AGBL4: variants seen among roughly 807,000 people sequenced by gnomAD.
AGBL4 encodes the protein cytosolic carboxypeptidase 6.
AGBL4 carries 58 observed loss-of-function variants against 66.4 expected under a neutral mutation model. The observed-to-expected ratio is 0.87, with a 90% CI of 0.71 to 1.09. The LOEUF (loss-of-function observed/expected upper bound fraction) is 1.09, where lower values mean the gene tolerates loss of function less well. Among genes scored for constraint, AGBL4 ranks in the 50% least tolerant of loss-of-function variants. The pLI, the probability that AGBL4 is intolerant of heterozygous loss-of-function variation, is 0.00. For synonymous variants in AGBL4, 234 were observed against 222.9 expected (o/e 1.05, Z -0.44); for missense variants, 579 against 631.0 (o/e 0.92, Z 0.88).
rs1384062592 is a variant in AGBL4, at chr1:49,763,954, G to C, written c.158-66517C>G. 2.6e-5 allele frequency among the ~76,000 whole-genome samples: 4 copies of C among 152,116 alleles called. No individual in the cohort carries two copies. The East Asian group carries it at 7.7e-4, about 29-fold the overall frequency. On this transcript the variant is annotated intron_variant, in intron 2 of 13. Coordinates refer to ENST00000371839, the MANE Select transcript of AGBL4 (RefSeq NM_032785.4). ...CCCCTGCTACTTCTTGTCATGCAAG[G>C]CTTGCTGGCTTGGGCTCCCAGTGCA...
chr1:48,927,251 G>C (rs1010709997), intron 5 of AGBL4, among the ~76,000 whole-genome samples: 1 of 152,092 alleles, frequency 6.6e-6, no homozygotes, highest in Non-Finnish European at 1.5e-5. Context: ...CACGTGGCTG[G>C]GGAGGCCTCA....
At chr1:49,896,856 AC>A (rs1386972677) in intron 1 of AGBL4, among the ~76,000 whole-genome samples, 4 of 152,012 alleles carry the variant, frequency 2.6e-5, no homozygotes, top group African/African-American at 9.7e-5. Context: ...AAGGACAAAA[AC>A]CATATGATCA....
At chr1:49,407,836 T>C (rs1321397146) in intron 3 of AGBL4, among the ~76,000 whole-genome samples, 1 of 152,236 alleles carries the variant, frequency 6.6e-6, no homozygotes, top group Non-Finnish European at 1.5e-5. Context: ...AGGAGGTTGA[T>C]AGTCAGAACA....
At chr1:49,739,195 C>T (rs1050118442) in intron 2 of AGBL4, among the ~76,000 whole-genome samples, 3 of 152,116 alleles carry the variant, frequency 2.0e-5, no homozygotes, top group East Asian at 1.9e-4. Context: ...ATAAGCAATA[C>T]AGAGAAGTCC....
At chr1:49,283,494 C>A (rs1034519521) in intron 3 of AGBL4, among the ~76,000 whole-genome samples, 10 of 152,202 alleles carry the variant, frequency 6.6e-5, no homozygotes, top group Non-Finnish European at 1.3e-4. Flanking sequence ...AGTTCCTCAC[C>A]AGCAACGGAA....
intron 3 of AGBL4, among the ~76,000 whole-genome samples, chr1:49,473,236 G>A (rs1646781941): frequency 6.6e-6 from 1 of 152,072 alleles, no homozygotes. Context: ...TCCCACAGGG[G>A]CTGAACTAAT....
At chr1:49,433,491 T>C (rs1457127008) in intron 3 of AGBL4, among the ~76,000 whole-genome samples, 1 of 152,210 alleles carries the variant, frequency 6.6e-6, no homozygotes, top group African/African-American at 2.4e-5. Flanking sequence ...GTGATGATTG[T>C]TGAGTGAGAG....
chr1:48,999,070 A>G (rs1348605612), intron 5 of AGBL4, among the ~76,000 whole-genome samples: 1 of 152,204 alleles, frequency 6.6e-6, no homozygotes, highest in East Asian at 1.9e-4. Context: ...ATGTCTTTCA[A>G]GGTAATGAGT....
Position 49,750,916 on chromosome 1 carries a change from G to A in AGBL4, c.158-53479C>T, listed in dbSNP as rs149884665. On this transcript the variant is annotated intron_variant, in intron 2 of 13. Coordinates refer to ENST00000371839, the MANE Select transcript of AGBL4 (RefSeq NM_032785.4). ...TCTATTATTTGTGTATACAAATGAT[G>A]CGATTTTTGCACATTGATTTTGTAT... Among the ~76,000 whole-genome samples, 84 of 152,192 alleles carry A rather than the reference G, an allele frequency of 5.5e-4. 1 individual carries two copies. In the East Asian group the frequency reaches 0.014, roughly 25 times the overall value.
chr1:49,085,012 C>T (rs1313205986), intron 4 of AGBL4, among the ~76,000 whole-genome samples: 1 of 152,116 alleles, frequency 6.6e-6, no homozygotes, highest in East Asian at 1.9e-4. Context: ...GGGATGCTGA[C>T]AGCTAGTGAA....
intron 2 of AGBL4, among the ~76,000 whole-genome samples, chr1:49,826,285 C>A (rs1645508819): frequency 6.6e-6 from 1 of 152,252 alleles, no homozygotes; most frequent in Admixed American, 6.5e-5. Flanking sequence ...TGGGTATGAG[C>A]ATTTGCTTCT....
intron 1 of AGBL4, among the ~76,000 whole-genome samples, chr1:49,859,681 A>G (rs181646830): frequency 7.0e-4 from 106 of 152,234 alleles, no homozygotes; most frequent in African/African-American, 2.4e-3. Context: ...AAGACTAAAA[A>G]TTACCCCCCA....
chr1:49,999,334 C>CAAAAAAAAAA (rs58760048), intron 1 of AGBL4, among the ~76,000 whole-genome samples: 1 of 134,476 alleles, frequency 7.4e-6, no homozygotes, highest in African/African-American at 2.8e-5. Flanking sequence ...ACTACCACTG[C>CAAAAAAAAAA]AAAAAAAAAA....
chr1:48,689,219 A>AAAAAAAAAAAAAAAAG (rs1553207682), intron 6 of AGBL4, among the ~76,000 whole-genome samples: 8 of 141,512 alleles, frequency 5.7e-5, no homozygotes, highest in African/African-American at 2.5e-4. Flanking sequence ...AAAAAAAAAA[A>AAAAAAAAAAAAAAAAG]AAAAGAAAAG....
intron 1 of AGBL4, among the ~76,000 whole-genome samples, chr1:49,873,973 A>G (rs1247702758): frequency 6.6e-6 from 1 of 152,148 alleles, no homozygotes; most frequent in Non-Finnish European, 1.5e-5. Flanking sequence ...AATTTACACT[A>G]CATAAAAACA....
At chr1:49,305,584 T>C (rs1644834843) in intron 3 of AGBL4, among the ~76,000 whole-genome samples, 1 of 152,216 alleles carries the variant, frequency 6.6e-6, no homozygotes, top group South Asian at 2.1e-4. Context: ...CAAGGTCAAC[T>C]GTATTGTGAT....
At chr1:49,543,522 C>A (rs1258706473) in intron 3 of AGBL4, among the ~76,000 whole-genome samples, 1 of 152,042 alleles carries the variant, frequency 6.6e-6, no homozygotes. Flanking sequence ...GGCCTTTTAG[C>A]GATGTCTGAC....
At chr1:49,936,102 G>A (rs868449230) in intron 1 of AGBL4, among the ~76,000 whole-genome samples, 103 of 152,174 alleles carry the variant, frequency 6.8e-4, no homozygotes, top group African/African-American at 2.3e-3. Flanking sequence ...CAATTTAGAT[G>A]AATGTATAAC....
chr1:48,772,190 T>C (rs1304016886), intron 6 of AGBL4, among the ~76,000 whole-genome samples: 3 of 152,122 alleles, frequency 2.0e-5, no homozygotes, highest in Non-Finnish European at 2.9e-5. Flanking sequence ...CATTCATGAC[T>C]AATAAAAACA....
Sources: allele counts gnomAD v4.1 joint callset (sites outside exome capture counted in the v4.1 genomes callset), GRCh38; gene constraint gnomAD v4.1.1; transcripts MANE v1.5; gene names NCBI Gene and HGNC (gene_info 2026-07-23, HGNC 2026-07-21).